The following RFX3 variants were observed in gnomAD, a reference collection of about 807,000 sequenced individuals.
The protein encoded by RFX3 is transcription factor RFX3.
In RFX3, 14 loss-of-function variants were observed where a neutral mutation model predicts 98.6. That is an observed-to-expected ratio of 0.14 (90% CI 0.09 to 0.22). The LOEUF is 0.22. RFX3 is among the 10% of genes least tolerant of loss of function. The probability of loss-of-function intolerance (pLI) is 1.00; values close to 1 mark genes in which losing one functional copy is unlikely to be tolerated. For missense variants in RFX3, 639 were observed against 926.9 expected, an observed-to-expected ratio of 0.69 and a Z score of 4.03; for synonymous variants, 383 against 328.4, an observed-to-expected ratio of 1.17 and a Z score of -1.80.
intron 1 of RFX3, among the ~76,000 whole-genome samples, chr9:3,474,136 T>C (rs1045125284): frequency 3.3e-5 from 5 of 152,164 alleles, no homozygotes; most frequent in Non-Finnish European, 7.3e-5. Context: ...TTTTTTAATC[T>C]ATATTAAAGA....
At chr9:3,402,105 T>C (rs1225597631) in intron 1 of RFX3, among the ~76,000 whole-genome samples, 3 of 152,202 alleles carry the variant, frequency 2.0e-5, no homozygotes, top group East Asian at 1.9e-4. Flanking sequence ...CCAGATTAAA[T>C]GGATTAATAG....
At chr9:3,452,944 C>T (rs78638462) in intron 1 of RFX3, among the ~76,000 whole-genome samples, 9,412 of 152,200 alleles carry the variant, frequency 0.062, 1,010 homozygotes, top group African/African-American at 0.21. Context: ...AATCAGCCGT[C>T]TCAAAATACC....
chr9:3,470,909 A>T (rs370338787), intron 1 of RFX3, among the ~76,000 whole-genome samples: 6 of 152,176 alleles, frequency 3.9e-5, no homozygotes, highest in African/African-American at 1.4e-4. Flanking sequence ...TCTTATTAAG[A>T]TGTTTGGGAA....
chr9:3,495,199 GA>G (rs2133566813), intron 1 of RFX3, among the ~76,000 whole-genome samples: 1 of 151,634 alleles, frequency 6.6e-6, no homozygotes, highest in East Asian at 1.9e-4. Context: ...CATAAAGCAA[GA>G]ACTTCTCCAT....
At chr9:3,512,876 A>T (rs1817782132) in intron 1 of RFX3, among the ~76,000 whole-genome samples, 1 of 151,872 alleles carries the variant, frequency 6.6e-6, no homozygotes, top group Non-Finnish European at 1.5e-5. Context: ...ATTTCATTCA[A>T]CTCCACTTTT....
At chr9:3,301,269 T>C (rs545080831) in intron 5 of RFX3, among the ~76,000 whole-genome samples, 2 of 151,942 alleles carry the variant, frequency 1.3e-5, no homozygotes, top group South Asian at 4.1e-4. Flanking sequence ...ATCACTATTA[T>C]TACTTTGTAC....
chr9:3,227,711 T>C (rs1373363102), intron 16 of RFX3, among the ~76,000 whole-genome samples: 1 of 152,228 alleles, frequency 6.6e-6, no homozygotes. Flanking sequence ...GACACGGATA[T>C]CAATTACCAC....
rs1170686011 is a variant in RFX3 at position 3,301,661 on chromosome 9, T to C, written c.475-41A>G. The C allele has an allele frequency of 6.4e-6, 9 of 1,412,130 alleles. No individual in the cohort carries two copies. The East Asian group carries it at 7.0e-5, about 11-fold the overall frequency. 87.5% of individuals were successfully genotyped at this position (1,412,130 alleles called of 1,614,324 possible). On this transcript the variant is annotated intron_variant, in intron 4 of 16. Coordinates refer to ENST00000617270, the MANE Select transcript of RFX3 (RefSeq NM_001282116.2). ...ATTAAAAAAAGGGCTCAAGACAAGA[T>C]AGTAATAAAAGGCTGACCAGAGAAT... is the stretch of plus-strand genomic sequence containing the variant.
chr9:3,337,771 C>G (rs1001710238), intron 3 of RFX3, among the ~76,000 whole-genome samples: 5 of 152,186 alleles, frequency 3.3e-5, no homozygotes, highest in Non-Finnish European at 7.3e-5. Flanking sequence ...CTGTGAGTCA[C>G]AAACATCTTT....
Position 3,505,281 on chromosome 9 carries a change from TAC to T in RFX3, c.-9+20464_-9+20465del, listed in dbSNP as rs1388359790. On this transcript the variant is annotated intron_variant, in intron 1 of 16. Coordinates refer to ENST00000617270, the MANE Select transcript of RFX3 (RefSeq NM_001282116.2). ...ATATATTTATATATATATGAATATA[TAC>T]ATTTTTATATTTATATATATATAAA... Among the ~76,000 whole-genome samples the T allele has an allele frequency of 1.0e-3, 73 of 72,910 alleles. 7 individuals are homozygous for T. The highest frequency in any genetic ancestry group is 3.9e-3 in the African/African-American group (56 of 14,458). 47.8% of individuals were successfully genotyped at this position (72,910 alleles called of 152,430 possible).
intron 1 of RFX3, among the ~76,000 whole-genome samples, chr9:3,406,857 CA>C (rs1280639371): frequency 6.6e-6 from 1 of 152,040 alleles, no homozygotes; most frequent in East Asian, 1.9e-4. Context: ...TTAAAAGACT[CA>C]AAAGATTTTG....
At position 3,271,011 on chromosome 9, in the gene RFX3, G is replaced by T. The variant is rs778523468; in HGVS notation, c.1194C>A (p.Thr398=). Residue 398 remains threonine, a synonymous_variant, in exon 10 of 17, where the codon ACC becomes ACA. Coordinates refer to ENST00000617270, the MANE Select transcript of RFX3 (RefSeq NM_001282116.2). ...AAGATGTTGATTCTGACCTCGATTC[G>T]GTAATGGTAGTGCCATCAGTTGGAG... The part of the protein sequence containing the change: ...PSTPTDGTTI[T]ESSNLSEIES... 1 of 1,613,558 alleles carries T rather than the reference G, an allele frequency of 6.2e-7. No individual in the cohort carries two copies. Among genetic ancestry groups the T allele is most frequent in the South Asian group, 1.1e-5 (1 of 91,070 alleles).
intron 1 of RFX3, among the ~76,000 whole-genome samples, chr9:3,513,404 A>G (rs747352147): frequency 6.6e-6 from 1 of 152,080 alleles, no homozygotes; most frequent in Non-Finnish European, 1.5e-5. Context: ...AAATTATATG[A>G]TCCTGCACTT....
At chr9:3,396,049 T>C (rs1840828599) in intron 1 of RFX3, among the ~76,000 whole-genome samples, 1 of 152,124 alleles carries the variant, frequency 6.6e-6, no homozygotes, top group Non-Finnish European at 1.5e-5. Context: ...CATTTCTTTT[T>C]TTTTTTTATA....
chr9:3,376,497 C>G (rs77942116), intron 2 of RFX3, among the ~76,000 whole-genome samples: 3,977 of 152,214 alleles, frequency 0.026, 177 homozygotes, highest in African/African-American at 0.092. Flanking sequence ...CTCATACACA[C>G]AATAACATGG....
intron 6 of RFX3, among the ~76,000 whole-genome samples, chr9:3,289,059 A>T (rs1826999279): frequency 2.0e-5 from 3 of 152,144 alleles, no homozygotes; most frequent in African/African-American, 7.2e-5. Context: ...GAATTTGCAA[A>T]TTCTTGCAAA....
At chr9:3,333,451 TTC>T (rs1832824971) in intron 3 of RFX3, among the ~76,000 whole-genome samples, 1 of 151,774 alleles carries the variant, frequency 6.6e-6, no homozygotes, top group Non-Finnish European at 1.5e-5. Flanking sequence ...TTTTTTTTTT[TTC>T]CAGATAGAAA....
chr9:3,257,523 C>T (rs1822294926), intron 13 of RFX3, among the ~76,000 whole-genome samples: 1 of 152,214 alleles, frequency 6.6e-6, no homozygotes. Context: ...TCTGAACCTA[C>T]AGTAGGCAGG....
chr9:3,489,228 G>T, intron 1 of RFX3: 1 of 157,862 alleles, frequency 6.3e-6, no homozygotes, highest in Non-Finnish European at 1.4e-5. Context: ...TCAACTCTTT[G>T]GAAAGGTAAG....
Sources: gnomAD v4.1 joint callset for allele counts (sites outside exome capture counted in the v4.1 genomes callset) on GRCh38, gnomAD v4.1.1 for gene constraint, MANE v1.5 for transcripts, NCBI Gene and HGNC (gene_info 2026-07-23, HGNC 2026-07-21) for gene names.